SERPIND1: variants seen among roughly 807,000 people sequenced by gnomAD.
SERPIND1 encodes the protein serpin family D member 1, also known as heparin cofactor 2.
A neutral mutation model predicts 35.0 loss-of-function variants in SERPIND1; 34 were observed. That is an observed-to-expected ratio of 0.97 (90% CI 0.74 to 1.29). The LOEUF (loss-of-function observed/expected upper bound fraction) is 1.29, where lower values mean the gene tolerates loss of function less well. Among genes scored for constraint, SERPIND1 ranks in the 50% most tolerant of loss-of-function variants. The pLI, the probability that SERPIND1 is intolerant of heterozygous loss-of-function variation, is 0.00. For synonymous variants in SERPIND1, 236 were observed against 241.1 expected, an observed-to-expected ratio of 0.98 and a Z score of 0.19; for missense variants, 633 against 637.7, an observed-to-expected ratio of 0.99 and a Z score of 0.08.
chr22:20,784,476 A>G (rs534735053), intron 3 of SERPIND1, among the ~76,000 whole-genome samples: 1 of 152,338 alleles, frequency 6.6e-6, no homozygotes, highest in African/African-American at 2.4e-5. Flanking sequence ...TTCAGAAGTT[A>G]GAGGCAGATG....
rs1933529212 is a variant in SERPIND1 at position 20,779,036 on chromosome 22, G to C, written c.-16-261G>C. The C allele has an allele frequency of 4.5e-6, 3 of 670,846 alleles. No individual in the cohort carries two copies. The South Asian group carries it at 5.9e-5, about 13-fold the overall frequency. 41.6% of individuals were successfully genotyped at this position (670,846 alleles called of 1,614,324 possible). A position where few individuals can be genotyped will look rare whatever the true frequency, so the allele number is the denominator to read the frequency against. ...GCCTGAGCTCCCAGGATTCTAGAAG[G>C]TTAGTTTTGCAAACCTTTAAAGAAG... On this transcript the variant is annotated intron_variant, in intron 1 of 4. Transcript: ENST00000215727.
At position 20,787,081 on chromosome 22, in the gene SERPIND1, G is replaced by A. The variant is rs927921468; in HGVS notation, c.*15G>A. 1.2e-6 allele frequency: 2 copies of A among 1,610,658 alleles called. No individual in the cohort carries two copies. Among genetic ancestry groups the A allele is most frequent in the Non-Finnish European group, 1.7e-6 (2 of 1,177,018 alleles). ...GCAGGTCCTAGAGGTGGAGGTCTAG[G>A]TGTCTGAAGTGCCTTGGGGGCACCC... On this transcript the variant is annotated 3_prime_UTR_variant, in exon 5 of 5. Transcript: ENST00000215727.
In SERPIND1 at chr22:20,786,949, GC is replaced by G; in HGVS notation, c.1385del (p.Pro462ArgfsTer46). 1 of 1,614,152 alleles carries G rather than the reference GC, an allele frequency of 6.2e-7. No individual in the cohort carries two copies. ...ATTVTTVGFMPLSTQVRFTVD... is the reference protein window; with the variant it reads ...ATTVTTVGFMXLSTQVRFTVD... The stretch of plus-strand genomic sequence containing the variant: ...CCACTGTGACCACGGTGGGGTTCAT[GC>G]CGCTGTCCACCCAAGTCCGCTTCAC... On this transcript the variant is annotated frameshift_variant, in exon 5 of 5. Coordinates refer to ENST00000215727, the MANE Select transcript of SERPIND1 (RefSeq NM_000185.4). LOFTEE classifies it high-confidence loss of function.
chr22:20,775,969 T>C (rs1933238798), intron 1 of SERPIND1, among the ~76,000 whole-genome samples: 1 of 152,196 alleles, frequency 6.6e-6, no homozygotes, highest in Non-Finnish European at 1.5e-5. Context: ...GAAGCTAAGT[T>C]ACTCAAAGTG....
chr22:20,783,718 T>G (rs1181006880), intron 2 of SERPIND1, among the ~76,000 whole-genome samples: 1 of 152,182 alleles, frequency 6.6e-6, no homozygotes, highest in African/African-American at 2.4e-5. Context: ...TTAGGTGCCT[T>G]ACCATGGTCA....
chr22:20,774,254 CTGTT>C (rs1933063107), intron 1 of SERPIND1, 109 bp downstream of exon 1: 1 of 152,180 alleles, frequency 6.6e-6, no homozygotes, highest in South Asian at 2.1e-4. Flanking sequence ...GCTTTCTACA[CTGTT>C]TTAGAAGTGG....
chr22:20,784,239 C>A lies in SERPIND1; in HGVS notation c.1157C>A (p.Thr386Lys). 6.2e-7 allele frequency: 1 copy of A among 1,614,158 alleles called. No individual in the cohort carries two copies. Among genetic ancestry groups the A allele is most frequent in the Non-Finnish European group, 8.5e-7 (1 of 1,180,006 alleles). ...RVVERWQKSM[T>K]NRTREVLLPK... ...GTGGAGAGATGGCAAAAAAGCATGA[C>A]AAACAGGTATTTCACACTGTGTGTT... Residue 386 changes from threonine (T) to lysine (K), a missense_variant, in exon 3 of 5, where the codon ACA becomes AAA. Transcript: ENST00000215727.
At chr22:20,780,265 A>G in intron 2 of SERPIND1, 64 bp downstream of exon 2, 2 of 1,605,798 alleles carry the variant, frequency 1.2e-6, no homozygotes, top group Non-Finnish European at 1.7e-6. Flanking sequence ...ATGTGGGTAG[A>G]TTGAATGCCA....
At chr22:20,779,055 A>G in intron 1 of SERPIND1, 1 of 883,216 alleles carries the variant, frequency 1.1e-6, no homozygotes, top group Non-Finnish European at 1.6e-6. Context: ...GCAAACCTTT[A>G]AAGAAGGGAT....
chr22:20,781,894 G>C (rs987249524), intron 2 of SERPIND1, among the ~76,000 whole-genome samples: 1 of 152,180 alleles, frequency 6.6e-6, no homozygotes, highest in Non-Finnish European at 1.5e-5. Context: ...TCACAGAGAT[G>C]ACACCCACTC....
rs1416826346 is a variant in SERPIND1, at chr22:20,784,259, T to C, written c.1163+14T>C. On this transcript the variant is annotated intron_variant, in intron 3 of 4. Coordinates refer to ENST00000215727, the MANE Select transcript of SERPIND1 (RefSeq NM_000185.4). ...CATGACAAACAGGTATTTCACACTG[T>C]GTGTTTGTTCTTTTGAGCTCCCAGA... 2 of 1,613,890 alleles carry C rather than the reference T, an allele frequency of 1.2e-6. No homozygotes were observed. The highest frequency in any genetic ancestry group is 1.7e-6 in the Non-Finnish European group (2 of 1,179,954).
intron 1 of SERPIND1, 109 bp from the exon 2 acceptor site, chr22:20,779,188 G>A: frequency 6.3e-7 from 1 of 1,584,242 alleles, no homozygotes; most frequent in Middle Eastern, 1.7e-4. Context: ...AACTAATGCT[G>A]TGAGGGCCTC....
intron 1 of SERPIND1, among the ~76,000 whole-genome samples, chr22:20,774,814 G>A (rs2147453360): frequency 6.6e-6 from 1 of 151,756 alleles, no homozygotes; most frequent in South Asian, 2.1e-4. Flanking sequence ...CAAGATATAG[G>A]AGACCTACTC....
At chr22:20,786,231 C>T in intron 4 of SERPIND1, 83 bp downstream of exon 4, 12 of 1,439,668 alleles carry the variant, frequency 8.3e-6, no homozygotes, top group Non-Finnish European at 1.2e-5. Context: ...TTCCTACCCA[C>T]CCCCCAATCT....
rs762010840 is a variant in SERPIND1 at position 20,786,142 on chromosome 22, C to T, written c.1302C>T (p.Ile434=). ...GCATCTCAGACCAAAGGATCGCCAT[C>T]GACCTGGTAACCACTCCCTTGTCCA... is the stretch of plus-strand genomic sequence containing the variant. ...MAGISDQRIA[I]DLFKHQGTIT... The change falls in exon 4 of 5, where the codon ATC becomes ATT. Residue 434 remains isoleucine, a synonymous_variant. Coordinates refer to ENST00000215727, the MANE Select transcript of SERPIND1 (RefSeq NM_000185.4). 24 of 1,614,066 alleles carry T rather than the reference C, an allele frequency of 1.5e-5. No homozygotes were observed. The East Asian group carries it at 3.8e-4, about 25-fold the overall frequency.
intron 1 of SERPIND1, among the ~76,000 whole-genome samples, chr22:20,777,689 G>A (rs1318132705): frequency 6.6e-6 from 1 of 152,210 alleles, no homozygotes; most frequent in African/African-American, 2.4e-5. Context: ...TTGGGACCAT[G>A]TATTACCTGT....
chr22:20,782,971 C>T (rs75772016), intron 2 of SERPIND1, among the ~76,000 whole-genome samples: 4,316 of 127,918 alleles, frequency 0.034, 192 homozygotes, highest in African/African-American at 0.12. Flanking sequence ...AGCTAGAAAC[C>T]TTGAACAAGT....
intron 1 of SERPIND1, among the ~76,000 whole-genome samples, chr22:20,778,902 C>T (rs147226643): frequency 1.6e-4 from 24 of 152,278 alleles, no homozygotes; most frequent in African/African-American, 5.5e-4. Flanking sequence ...TCCCATCTGT[C>T]CCCTGACTGG....
At chr22:20,780,254 T>C in intron 2 of SERPIND1, 53 bp downstream of exon 2, 7 of 1,612,448 alleles carry the variant, frequency 4.3e-6, no homozygotes, top group Non-Finnish European at 5.1e-6. Flanking sequence ...ACTATTTTTG[T>C]ATGTGGGTAG....
Sources: allele counts gnomAD v4.1 joint callset (sites outside exome capture counted in the v4.1 genomes callset), GRCh38; gene constraint gnomAD v4.1.1; transcripts MANE v1.5; gene names NCBI Gene and HGNC (gene_info 2026-07-23, HGNC 2026-07-21).